The following SLC24A2 variants were observed in gnomAD, a reference collection of about 807,000 sequenced individuals.
SLC24A2 encodes the protein sodium/potassium/calcium exchanger 2.
SLC24A2 carries 36 observed loss-of-function variants against 62.0 expected under a neutral mutation model. The ratio of observed to expected loss-of-function variants is 0.58; its 90% CI spans 0.44 to 0.77. SLC24A2 has a LOEUF of 0.77. SLC24A2 is among the 30% of genes least tolerant of loss of function. The probability of loss-of-function intolerance (pLI) is 0.00; values close to 1 mark genes in which losing one functional copy is unlikely to be tolerated. For missense variants in SLC24A2, 846 were observed against 817.9 expected, an observed-to-expected ratio of 1.03 and a Z score of -0.42; for synonymous variants, 358 against 294.0, an observed-to-expected ratio of 1.22 and a Z score of -2.23.
chr9:19,664,286 A>G (rs770682723), intron 2 of SLC24A2, among the ~76,000 whole-genome samples: 1 of 152,230 alleles, frequency 6.6e-6, no homozygotes, highest in Non-Finnish European at 1.5e-5. Flanking sequence ...GTTTCTTTAA[A>G]TGGTAAGTTT....
chr9:20,036,429 A>C, the SLC24A2 span, among the ~76,000 whole-genome samples: 3 of 151,840 alleles, frequency 2.0e-5, no homozygotes, highest in Non-Finnish European at 2.9e-5. Context: ...TAGAAAAAAA[A>C]TCAAACTTAT....
At chr9:19,640,266 C>T (rs543077313) in intron 2 of SLC24A2, among the ~76,000 whole-genome samples, 2 of 152,268 alleles carry the variant, frequency 1.3e-5, no homozygotes, top group South Asian at 2.1e-4. Context: ...ATGTGCCTTG[C>T]TGAGTACTCA....
the SLC24A2 span, among the ~76,000 whole-genome samples, chr9:20,180,115 G>T: frequency 6.6e-6 from 1 of 152,152 alleles, no homozygotes; most frequent in African/African-American, 2.4e-5. Context: ...ACAAGTGTAG[G>T]TTGTGGAGTT....
At chr9:19,949,224 T>A in the SLC24A2 span, among the ~76,000 whole-genome samples, 5 of 151,932 alleles carry the variant, frequency 3.3e-5, no homozygotes, top group African/African-American at 1.2e-4. Flanking sequence ...GAACTCCCGA[T>A]CTCAGGTGAT....
At chr9:20,246,053 G>A in the SLC24A2 span, among the ~76,000 whole-genome samples, 1 of 152,282 alleles carries the variant, frequency 6.6e-6, no homozygotes, top group South Asian at 2.1e-4. Context: ...AACATGCTCT[G>A]TAAGGAAAAG....
At position 19,786,403 on chromosome 9, in the gene SLC24A2, T is replaced by A; in HGVS notation, c.464A>T (p.Glu155Val). Residue 155 changes from glutamate (E) to valine (V), a missense_variant, in exon 2 of 11, where the codon GAG (glutamate) becomes GTG (valine). Physicochemically the swap from Glu to Val is moderately radical, Grantham distance 121. Coordinates refer to ENST00000341998, the MANE Select transcript of SLC24A2 (RefSeq NM_020344.4). This position sits in a 1 kb window ranked among gnomAD's most constrained non-coding sequence, Gnocchi z 5.0. ...MFIALAIVCD[E>V]FFVPSLTVIT... ...GACAGTCAAAGAAGGAACAAAGAAC[T>A]CATCACAGACAATGGCTAAGGCTAT... 6.2e-7 allele frequency: 1 copy of A among 1,614,172 alleles called. No homozygotes were observed. Among genetic ancestry groups the A allele is most frequent in the Non-Finnish European group, 8.5e-7 (1 of 1,180,040 alleles).
chr9:20,132,759 A>T, the SLC24A2 span, among the ~76,000 whole-genome samples: 1 of 152,142 alleles, frequency 6.6e-6, no homozygotes, highest in East Asian at 1.9e-4. Flanking sequence ...TATAAATGCT[A>T]AAACTTAGGT....
chr9:19,690,224 A>G (rs779534946), intron 2 of SLC24A2, among the ~76,000 whole-genome samples: 2 of 151,896 alleles, frequency 1.3e-5, no homozygotes, highest in Admixed American at 6.6e-5. Context: ...CACTTCTCCT[A>G]TTGGTTCTAT....
chr9:19,913,451 T>A, the SLC24A2 span, among the ~76,000 whole-genome samples: 1 of 152,038 alleles, frequency 6.6e-6, no homozygotes, highest in Non-Finnish European at 1.5e-5. Context: ...ATCACCTCCA[T>A]CTGTAAGGTG....
chr9:20,031,859 A>C, the SLC24A2 span, among the ~76,000 whole-genome samples: 1 of 152,218 alleles, frequency 6.6e-6, no homozygotes, highest in South Asian at 2.1e-4. Flanking sequence ...GTTTAACAAC[A>C]GCACGAGAGA....
chr9:19,529,184 A>G (rs1833578084), intron 8 of SLC24A2, among the ~76,000 whole-genome samples: 1 of 152,194 alleles, frequency 6.6e-6, no homozygotes, highest in African/African-American at 2.4e-5. Flanking sequence ...TTGCTTTGAT[A>G]ATGCCATCCA....
chr9:19,961,023 GGTGTGTGTGTGTGT>G, the SLC24A2 span, among the ~76,000 whole-genome samples: 6 of 141,718 alleles, frequency 4.2e-5, no homozygotes, highest in East Asian at 6.1e-4. Flanking sequence ...TAGAGGGGTG[GGTGTGTGTGTGTGT>G]GTGTGTGTGT....
intron 2 of SLC24A2, among the ~76,000 whole-genome samples, chr9:19,769,308 T>G (rs1822613646): frequency 1.3e-5 from 2 of 152,220 alleles, no homozygotes. Context: ...TGATCACTTC[T>G]CACTGCCTCT....
chr9:20,239,253 C>CA, the SLC24A2 span, among the ~76,000 whole-genome samples: 88 of 152,236 alleles, frequency 5.8e-4, no homozygotes, highest in African/African-American at 2.0e-3. Context: ...AGATAAATCA[C>CA]AAAAAAATTT....
intron 8 of SLC24A2, among the ~76,000 whole-genome samples, chr9:19,534,396 T>C (rs558039348): frequency 4.0e-4 from 61 of 152,318 alleles, no homozygotes; most frequent in African/African-American, 1.3e-3. Context: ...CTTGGGTACA[T>C]GCGCAGAATG....
the SLC24A2 span, among the ~76,000 whole-genome samples, chr9:19,871,935 A>G: frequency 2.6e-5 from 4 of 152,146 alleles, no homozygotes; most frequent in African/African-American, 9.7e-5. Context: ...CAAACTTGCA[A>G]TTTTGAAGAC....
At chr9:19,987,987 T>C in the SLC24A2 span, among the ~76,000 whole-genome samples, 5 of 152,194 alleles carry the variant, frequency 3.3e-5, no homozygotes, top group East Asian at 1.9e-4. Context: ...AAAACACTTT[T>C]GTAAAAGTAT....
At chr9:19,987,436 A>G in the SLC24A2 span, among the ~76,000 whole-genome samples, 1 of 152,262 alleles carries the variant, frequency 6.6e-6, no homozygotes, top group South Asian at 2.1e-4. Context: ...ATTTTAAGTG[A>G]TTAGTGAGGA....
At chr9:19,626,944 A>G (rs1457030129) in intron 2 of SLC24A2, among the ~76,000 whole-genome samples, 5 of 152,230 alleles carry the variant, frequency 3.3e-5, no homozygotes, top group Non-Finnish European at 7.3e-5. Context: ...TCTTAGTCAG[A>G]TGGAAACTCA....
Sources: gnomAD v4.1 joint callset for allele counts (sites outside exome capture counted in the v4.1 genomes callset) on GRCh38, gnomAD v4.1.1 for gene constraint, Gnocchi (gnomAD v3.1) non-coding constraint, MANE v1.5 for transcripts, NCBI Gene and HGNC (gene_info 2026-07-23, HGNC 2026-07-21) for gene names.